The following C1orf21 variants were observed in gnomAD, a reference collection of about 807,000 sequenced individuals.
C1orf21 encodes uncharacterized protein C1orf21.
Under a neutral mutation model 18.7 loss-of-function variants are expected in C1orf21, and 3 were observed. The ratio of observed to expected loss-of-function variants is 0.16; its 90% CI spans 0.07 to 0.42. The LOEUF (loss-of-function observed/expected upper bound fraction) is 0.42, where lower values mean the gene tolerates loss of function less well. Ranked by LOEUF, C1orf21 falls within the 10% of genes least tolerant of loss-of-function variation. The pLI, the probability that C1orf21 is intolerant of heterozygous loss-of-function variation, is 0.99. For synonymous variants in C1orf21, 41 were observed against 46.4 expected, an observed-to-expected ratio of 0.88 and a Z score of 0.47; for missense variants, 104 against 143.6, an observed-to-expected ratio of 0.72 and a Z score of 1.41.
intron 3 of C1orf21, among the ~76,000 whole-genome samples, chr1:184,555,717 G>C (rs1382932200): frequency 1.3e-5 from 2 of 152,074 alleles, no homozygotes; most frequent in Non-Finnish European, 2.9e-5. Context: ...AGGACTGGAG[G>C]TGGGGTGGGA....
chr1:184,394,629 G>A (rs1656022039), intron 1 of C1orf21, among the ~76,000 whole-genome samples: 1 of 152,190 alleles, frequency 6.6e-6, no homozygotes, highest in Non-Finnish European at 1.5e-5. Context: ...TGTAAAGTAA[G>A]GAGATGCTGC....
intron 1 of C1orf21, among the ~76,000 whole-genome samples, chr1:184,469,287 G>A: frequency 6.6e-6 from 1 of 152,070 alleles, no homozygotes; most frequent in East Asian, 1.9e-4. Context: ...CTATTCTCAT[G>A]TTTGCTTCTA....
chr1:184,583,647 A>C (rs1267210153), intron 3 of C1orf21, among the ~76,000 whole-genome samples: 1 of 152,222 alleles, frequency 6.6e-6, no homozygotes, highest in Non-Finnish European at 1.5e-5. Context: ...TGAGTGAAGA[A>C]TAACCTAAGA....
At chr1:184,437,851 G>T (rs1297020153) in intron 1 of C1orf21, among the ~76,000 whole-genome samples, 2 of 151,942 alleles carry the variant, frequency 1.3e-5, no homozygotes, top group African/African-American at 4.8e-5. Flanking sequence ...CCATCTGAGG[G>T]TGATAAGAGA....
chr1:184,615,651 A>T (rs1659809652), intron 5 of C1orf21, among the ~76,000 whole-genome samples: 1 of 152,226 alleles, frequency 6.6e-6, no homozygotes, highest in Admixed American at 6.5e-5. Context: ...TTCTTTAAAA[A>T]TTAAATGAGA....
intron 5 of C1orf21, among the ~76,000 whole-genome samples, chr1:184,603,973 T>A (rs937513834): frequency 2.0e-5 from 3 of 152,234 alleles, no homozygotes; most frequent in African/African-American, 7.2e-5. Flanking sequence ...GTAAATTTTT[T>A]TCAAGAATTG....
At chr1:184,433,685 T>G (rs943525388) in intron 1 of C1orf21, among the ~76,000 whole-genome samples, 4 of 152,176 alleles carry the variant, frequency 2.6e-5, no homozygotes, top group African/African-American at 9.7e-5. Flanking sequence ...TTGTATCCAG[T>G]ATATCAAAAA....
At chr1:184,415,008 T>C (rs578117055) in intron 1 of C1orf21, among the ~76,000 whole-genome samples, 1 of 152,332 alleles carries the variant, frequency 6.6e-6, no homozygotes, top group East Asian at 1.9e-4. Context: ...CATTGGTTGT[T>C]GGATTGGCCA....
chr1:184,534,149 T>G (rs1658511383), intron 3 of C1orf21, among the ~76,000 whole-genome samples: 1 of 152,194 alleles, frequency 6.6e-6, no homozygotes, highest in Admixed American at 6.5e-5. Context: ...TGTCATTGCA[T>G]AGTTTATAGA....
chr1:184,584,243 A>G (rs1394142843), intron 3 of C1orf21, among the ~76,000 whole-genome samples: 1 of 150,340 alleles, frequency 6.7e-6, no homozygotes, highest in African/African-American at 2.4e-5. Context: ...TATAAAACTG[A>G]CTTCTTTATG....
chr1:184,594,699 G>A (rs1659489658), intron 4 of C1orf21, among the ~76,000 whole-genome samples: 1 of 152,142 alleles, frequency 6.6e-6, no homozygotes, highest in East Asian at 1.9e-4. Flanking sequence ...AAAAGAGGAG[G>A]TCAGAAGTCC....
At chr1:184,394,615 C>T (rs1337230244) in intron 1 of C1orf21, among the ~76,000 whole-genome samples, 1 of 152,074 alleles carries the variant, frequency 6.6e-6, no homozygotes, top group African/African-American at 2.4e-5. Flanking sequence ...ATTGAAAGGC[C>T]AGGTGTAAAG....
At chr1:184,468,011 T>TGAGAGA (rs57517174) in intron 1 of C1orf21, among the ~76,000 whole-genome samples, 19 of 137,642 alleles carry the variant, frequency 1.4e-4, no homozygotes, top group Non-Finnish European at 2.5e-4. Flanking sequence ...TGTGTGTGTG[T>TGAGAGA]GAGAGAGAGA....
At chr1:184,393,953 A>G (rs75507814) in intron 1 of C1orf21, among the ~76,000 whole-genome samples, 13,668 of 152,162 alleles carry the variant, frequency 0.09, 1,861 homozygotes, top group African/African-American at 0.29. Context: ...AATTCATGGG[A>G]CACATTTATG....
At chr1:184,602,552 C>G (rs1335838227) in intron 5 of C1orf21, among the ~76,000 whole-genome samples, 1 of 152,106 alleles carries the variant, frequency 6.6e-6, no homozygotes, top group Non-Finnish European at 1.5e-5. Context: ...TTAGCATTTG[C>G]CTAACTTTGC....
intron 1 of C1orf21, among the ~76,000 whole-genome samples, chr1:184,464,920 T>C (rs931091511): frequency 3.3e-5 from 5 of 152,134 alleles, no homozygotes; most frequent in African/African-American, 1.2e-4. Flanking sequence ...GTTCTCTCTC[T>C]TTCTCTCTCC....
chr1:184,407,695 G>A (rs926245485), intron 1 of C1orf21, among the ~76,000 whole-genome samples: 7 of 152,126 alleles, frequency 4.6e-5, no homozygotes. Flanking sequence ...CATGACTTTT[G>A]TGGGGGAGTG....
At chr1:184,450,342 G>GCC in intron 1 of C1orf21, among the ~76,000 whole-genome samples, 1 of 152,098 alleles carries the variant, frequency 6.6e-6, no homozygotes, top group Middle Eastern at 3.4e-3. Flanking sequence ...GACTCCCCTC[G>GCC]CCCCAATCAG....
intron 1 of C1orf21, among the ~76,000 whole-genome samples, chr1:184,408,815 G>T (rs929621008): frequency 6.6e-6 from 1 of 152,112 alleles, no homozygotes; most frequent in Admixed American, 6.5e-5. Context: ...TTGTGAGGCC[G>T]ATCAGGTTTC....
Sources: gnomAD v4.1 joint callset for allele counts (sites outside exome capture counted in the v4.1 genomes callset) on GRCh38, gnomAD v4.1.1 for gene constraint, MANE v1.5 for transcripts, NCBI Gene and HGNC (gene_info 2026-07-23, HGNC 2026-07-21) for gene names.